MAD1L1: variants seen among roughly 807,000 people sequenced by gnomAD.
MAD1L1 encodes the protein mitotic spindle assembly checkpoint protein MAD1.
MAD1L1 carries 95 observed loss-of-function variants against 96.9 expected under a neutral mutation model. The ratio of observed to expected loss-of-function variants is 0.98; its 90% CI spans 0.83 to 1.16. The LOEUF (loss-of-function observed/expected upper bound fraction) is 1.16, where lower values mean the gene tolerates loss of function less well. Ranked by LOEUF, MAD1L1 falls within the 50% of genes most tolerant of loss-of-function variation. The pLI, the probability that MAD1L1 is intolerant of heterozygous loss-of-function variation, is 0.00. For missense variants in MAD1L1, 1,007 were observed against 954.4 expected (o/e 1.06, Z -0.73); for synonymous variants, 473 against 396.6 (o/e 1.19, Z -2.29).
intron 17 of MAD1L1, among the ~76,000 whole-genome samples, chr7:1,907,961 A>G (rs1201011760): frequency 6.6e-6 from 1 of 152,220 alleles, no homozygotes; most frequent in African/African-American, 2.4e-5. Context: ...CGGCCCCCTC[A>G]GGAGACAGCG....
intron 12 of MAD1L1, among the ~76,000 whole-genome samples, chr7:2,063,621 T>A (rs1008642285): frequency 6.6e-6 from 1 of 152,260 alleles, no homozygotes; most frequent in Non-Finnish European, 1.5e-5. Context: ...ACCGTGCTAT[T>A]CCAGGAGAGA....
At chr7:1,854,516 G>T in intron 18 of MAD1L1, 1 of 382,112 alleles carries the variant, frequency 2.6e-6, no homozygotes, top group South Asian at 1.9e-5. Flanking sequence ...TCTGTCACAC[G>T]GGGGAAGGGG....
intron 12 of MAD1L1, among the ~76,000 whole-genome samples, chr7:2,062,489 T>C (rs1274019994): frequency 1.4e-5 from 2 of 146,606 alleles, no homozygotes; most frequent in Non-Finnish European, 3.0e-5. Flanking sequence ...GCAACAGAAT[T>C]GCTTGAACCT....
At chr7:2,009,812 G>A (rs1024946310) in intron 13 of MAD1L1, among the ~76,000 whole-genome samples, 7 of 152,300 alleles carry the variant, frequency 4.6e-5, no homozygotes, top group Middle Eastern at 6.8e-3. Flanking sequence ...TATTCCTCAC[G>A]CCCAGCAACG....
intron 11 of MAD1L1, among the ~76,000 whole-genome samples, chr7:2,102,309 GTCACCATCACCGCCGTCACCA>G (rs1786839042): frequency 7.6e-6 from 1 of 131,704 alleles, no homozygotes; most frequent in African/African-American, 2.8e-5. Flanking sequence ...CATCACCACC[GTCACCATCACCGCCGTCACCA>G]TCACCATCAC....
In MAD1L1 at chr7:1,898,404, G is replaced by A. The variant is rs754985411; in HGVS notation, c.1808-14C>T. 21 of 1,611,882 alleles carry A rather than the reference G, an allele frequency of 1.3e-5. No individual in the cohort carries two copies. Among genetic ancestry groups the A allele is most frequent in the East Asian group, 4.5e-5 (2 of 44,850 alleles). ...GCTTCTTCAGCTCTGCGGGAGGGAC[G>A]GAAGGAGACAGTGAGTGCGGCACCA... On this transcript the variant is annotated splice_polypyrimidine_tract_variant and intron_variant, in intron 17 of 18. Transcript: ENST00000265854.
At chr7:2,095,396 A>T (rs958053381) in intron 11 of MAD1L1, among the ~76,000 whole-genome samples, 3 of 152,368 alleles carry the variant, frequency 2.0e-5, no homozygotes, top group African/African-American at 7.2e-5. Flanking sequence ...AAAAGAAAAG[A>T]AAAGAAAAAG....
At chr7:2,141,474 C>T (rs1789028129) in intron 11 of MAD1L1, among the ~76,000 whole-genome samples, 1 of 152,198 alleles carries the variant, frequency 6.6e-6, no homozygotes, top group African/African-American at 2.4e-5. Flanking sequence ...GAGAACCCGG[C>T]ATTGGCAGGA....
At chr7:1,820,075 G>A (rs1175225215) in intron 18 of MAD1L1, among the ~76,000 whole-genome samples, 4 of 152,156 alleles carry the variant, frequency 2.6e-5, no homozygotes, top group East Asian at 1.9e-4. Flanking sequence ...GTGGGGTGGC[G>A]TGAAGAGGTG....
intron 10 of MAD1L1, among the ~76,000 whole-genome samples, chr7:2,185,789 C>T (rs946357324): frequency 1.3e-5 from 2 of 152,120 alleles, no homozygotes; most frequent in Non-Finnish European, 2.9e-5. Flanking sequence ...AAATAACAGG[C>T]GAGAATGCGT....
At chr7:2,198,319 C>T (rs1274709815) in intron 10 of MAD1L1, among the ~76,000 whole-genome samples, 1 of 152,102 alleles carries the variant, frequency 6.6e-6, no homozygotes, top group Non-Finnish European at 1.5e-5. Context: ...GCCTCCAGGC[C>T]GGCTGCCTGC....
In MAD1L1 at chr7:1,980,546, G is replaced by A. The variant is rs762431732; in HGVS notation, c.1417-5C>T. 2.5e-6 allele frequency: 4 copies of A among 1,609,984 alleles called. No homozygotes were observed. Among genetic ancestry groups the A allele is most frequent in the African/African-American group, 2.7e-5 (2 of 75,002 alleles). On this transcript the variant is annotated splice_polypyrimidine_tract_variant and splice_region_variant and intron_variant, in intron 14 of 18. Coordinates refer to ENST00000265854, the MANE Select transcript of MAD1L1 (RefSeq NM_001013836.2). ...CATCTTCAGCTCCATCTCCAGCTAG[G>A]AGAAAGCAAAGGATAGAGGGTCAGC...
In MAD1L1 at chr7:2,133,519, AAC is replaced by A. The variant is rs537969171; in HGVS notation, c.1073+15631_1073+15632del. On this transcript the variant is annotated intron_variant, in intron 11 of 18. Transcript: ENST00000265854. ...ATTTGGGGCTTCTCCTTTTATTCTC[AAC>A]AGTTTCCTTCGCAGAGCAGCCATTT... 5.9e-5 allele frequency among the ~76,000 whole-genome samples: 9 copies of A among 152,348 alleles called. No homozygotes were observed. The South Asian group carries it at 1.7e-3, about 28-fold the overall frequency.
intron 11 of MAD1L1, among the ~76,000 whole-genome samples, chr7:2,094,613 C>G (rs1351445749): frequency 2.0e-5 from 3 of 150,892 alleles, no homozygotes; most frequent in Non-Finnish European, 2.9e-5. Flanking sequence ...ACAGGGTGCT[C>G]CAGAAAGAGG....
chr7:2,218,080 C>G, intron 6 of MAD1L1, 37 bp from the exon 7 acceptor site: 1 of 1,532,860 alleles, frequency 6.5e-7, no homozygotes. Context: ...CAGAAACAGG[C>G]ATGCGGCAAG....
At chr7:1,825,963 C>G (rs570749173) in intron 18 of MAD1L1, among the ~76,000 whole-genome samples, 10 of 152,274 alleles carry the variant, frequency 6.6e-5, no homozygotes, top group Middle Eastern at 6.8e-3. Context: ...GTCCCAGCCC[C>G]AGGGTTGGAG....
intron 14 of MAD1L1, among the ~76,000 whole-genome samples, chr7:1,990,691 C>T (rs1246450328): frequency 1.3e-5 from 2 of 152,254 alleles, no homozygotes; most frequent in African/African-American, 2.4e-5. Context: ...AGGGCTGCAG[C>T]GTGCCCAGGG....
At chr7:2,010,576 C>T (rs1050580924) in intron 13 of MAD1L1, among the ~76,000 whole-genome samples, 1 of 152,194 alleles carries the variant, frequency 6.6e-6, no homozygotes, top group Non-Finnish European at 1.5e-5. Flanking sequence ...TAAATAACAC[C>T]GTGCAAGACG....
At chr7:2,086,482 C>T (rs533466783) in intron 11 of MAD1L1, among the ~76,000 whole-genome samples, 12 of 152,382 alleles carry the variant, frequency 7.9e-5, no homozygotes, top group African/African-American at 2.9e-4. Context: ...CGGAGCCACA[C>T]ACGGCCTCTG....
Sources: gnomAD v4.1 joint callset for allele counts (sites outside exome capture counted in the v4.1 genomes callset) on GRCh38, gnomAD v4.1.1 for gene constraint, MANE v1.5 for transcripts, NCBI Gene and HGNC (gene_info 2026-07-23, HGNC 2026-07-21) for gene names.